The following NUBPL variants were observed in gnomAD, a reference collection of about 807,000 sequenced individuals.
NUBPL encodes the protein NUBP iron-sulfur cluster assembly factor, mitochondrial, also known as iron-sulfur cluster transfer protein NUBPL.
NUBPL carries 31 observed loss-of-function variants against 45.7 expected under a neutral mutation model. The observed-to-expected ratio is 0.68, with a 90% CI of 0.51 to 0.92. The LOEUF (loss-of-function observed/expected upper bound fraction) is 0.92. Among genes scored for constraint, NUBPL ranks in the 40% least tolerant of loss-of-function variants. The pLI, the probability that NUBPL is intolerant of heterozygous loss-of-function variation, is 0.00. For missense variants in NUBPL, 401 were observed against 398.7 expected (o/e 1.01, Z -0.05); for synonymous variants, 144 against 140.9 (o/e 1.02, Z -0.15).
intron 4 of NUBPL, among the ~76,000 whole-genome samples, chr14:31,645,193 G>A (rs1208554831): frequency 6.6e-6 from 1 of 151,844 alleles, no homozygotes; most frequent in Non-Finnish European, 1.5e-5. Context: ...AGCCTCCCGA[G>A]TAACTGGGAC....
intron 6 of NUBPL, among the ~76,000 whole-genome samples, chr14:31,749,637 T>C (rs1450421382): frequency 6.6e-6 from 1 of 152,206 alleles, no homozygotes; most frequent in Non-Finnish European, 1.5e-5. Context: ...TTCTCTTTTT[T>C]TTCTTTCGTT....
intron 8 of NUBPL, among the ~76,000 whole-genome samples, chr14:31,831,468 T>TATACTATACC (rs2040190343): frequency 1.4e-5 from 2 of 143,060 alleles, no homozygotes; most frequent in Non-Finnish European, 3.0e-5. Flanking sequence ...TATACTGTAC[T>TATACTATACC]ATACCATACC....
At chr14:31,786,356 T>A (rs576242958) in intron 6 of NUBPL, among the ~76,000 whole-genome samples, 1 of 152,204 alleles carries the variant, frequency 6.6e-6, no homozygotes, top group Non-Finnish European at 1.5e-5. Flanking sequence ...GTTACCGTTT[T>A]ATAGGAAGAC....
chr14:31,746,395 C>T (rs775802532), intron 6 of NUBPL, among the ~76,000 whole-genome samples: 4 of 151,950 alleles, frequency 2.6e-5, no homozygotes, highest in Non-Finnish European at 4.4e-5. Flanking sequence ...ATTTTTATCA[C>T]GAATGACTGG....
chr14:31,571,102 G>T (rs2033569313), intron 3 of NUBPL, among the ~76,000 whole-genome samples: 2 of 152,196 alleles, frequency 1.3e-5, no homozygotes, highest in Admixed American at 1.3e-4. Flanking sequence ...GTCTAGGCTG[G>T]ATATACTATT....
At chr14:31,639,895 C>G (rs764221757) in intron 4 of NUBPL, among the ~76,000 whole-genome samples, 1 of 152,108 alleles carries the variant, frequency 6.6e-6, no homozygotes, top group South Asian at 2.1e-4. Context: ...TATCCAGGTG[C>G]GGGATATAAT....
At chr14:31,773,043 GTTTATTGTATATTGTATCAT>G (rs1289862056) in intron 6 of NUBPL, among the ~76,000 whole-genome samples, 1 of 152,120 alleles carries the variant, frequency 6.6e-6, no homozygotes, top group Non-Finnish European at 1.5e-5. Context: ...TCTCAAGGAT[GTTTATTGTATATTGTATCAT>G]TTATTTCCAC....
chr14:31,830,659 G>T (rs2040174774), intron 8 of NUBPL, among the ~76,000 whole-genome samples: 1 of 152,172 alleles, frequency 6.6e-6, no homozygotes, highest in Admixed American at 6.5e-5. Flanking sequence ...TCCACTGCAG[G>T]TTTACCTGTC....
Position 31,562,106 on chromosome 14 carries a change from A to G in NUBPL, c.147A>G (p.Arg49=), listed in dbSNP as rs760429841. The change falls in exon 2 of 11, where the codon AGA becomes AGG. Residue 49 remains arginine, a synonymous_variant. Coordinates refer to ENST00000281081, the MANE Select transcript of NUBPL (RefSeq NM_025152.3). ...GAGSETLKQR[R]TQIMSRGLPK... Reference sequence around the variant, plus strand: ...GGAGTGAGACCCTAAAACAAAGAAGAACACAAATCATGTCCCGAGGACTTC... The same window carrying G: ...GGAGTGAGACCCTAAAACAAAGAAGGACACAAATCATGTCCCGAGGACTTC... The G allele has an allele frequency of 1.2e-6, 2 of 1,611,970 alleles. No homozygotes were observed. The highest frequency in any genetic ancestry group is 2.2e-5 in the East Asian group (1 of 44,762).
chr14:31,757,366 C>A (rs1352016510), intron 6 of NUBPL, among the ~76,000 whole-genome samples: 1 of 151,486 alleles, frequency 6.6e-6, no homozygotes, highest in African/African-American at 2.4e-5. Flanking sequence ...TTGATTATTG[C>A]CACAATTTCA....
chr14:31,624,315 G>A (rs1023160163), intron 4 of NUBPL, among the ~76,000 whole-genome samples: 2 of 152,124 alleles, frequency 1.3e-5, no homozygotes, highest in African/African-American at 4.8e-5. Context: ...ATACATTTAA[G>A]AAATGTATTC....
intron 10 of NUBPL, among the ~76,000 whole-genome samples, chr14:31,857,289 T>A (rs2040637967): frequency 6.6e-6 from 1 of 152,048 alleles, no homozygotes; most frequent in Admixed American, 6.6e-5. Flanking sequence ...AAGTCCCTAG[T>A]CTCCACACAA....
chr14:31,661,624 C>T (rs551507396), intron 4 of NUBPL, among the ~76,000 whole-genome samples: 6 of 152,328 alleles, frequency 3.9e-5, no homozygotes, highest in African/African-American at 1.2e-4. Flanking sequence ...TCACGGCAAC[C>T]TCTGCCTCCT....
chr14:31,736,778 G>A (rs879758840), intron 6 of NUBPL, among the ~76,000 whole-genome samples: 44 of 152,272 alleles, frequency 2.9e-4, no homozygotes, highest in African/African-American at 8.9e-4. Flanking sequence ...GTTCTGTCAA[G>A]CAGTTTTCTA....
At chr14:31,594,099 A>T (rs986639986) in intron 3 of NUBPL, among the ~76,000 whole-genome samples, 1 of 152,008 alleles carries the variant, frequency 6.6e-6, no homozygotes, top group Non-Finnish European at 1.5e-5. Context: ...GTTTCTTCCT[A>T]CTCAAAAATA....
chr14:31,705,818 C>T (rs13379320), intron 6 of NUBPL, among the ~76,000 whole-genome samples: 22,945 of 152,216 alleles, frequency 0.15, 4,890 homozygotes, highest in African/African-American at 0.48. Flanking sequence ...CCACCTAGCC[C>T]GGGCACTCTG....
chr14:31,650,424 G>C (rs937482053), intron 4 of NUBPL, among the ~76,000 whole-genome samples: 1 of 151,758 alleles, frequency 6.6e-6, no homozygotes, highest in African/African-American at 2.4e-5. Flanking sequence ...GAGGTAGCTG[G>C]GACTACAGGC....
intron 6 of NUBPL, among the ~76,000 whole-genome samples, chr14:31,719,828 A>G (rs893484914): frequency 8.5e-5 from 13 of 152,190 alleles, no homozygotes; most frequent in African/African-American, 1.9e-4. Flanking sequence ...AGTGCATACA[A>G]TGAGATCATG....
chr14:31,854,218 G>GGCATA (rs1356671381), intron 10 of NUBPL, among the ~76,000 whole-genome samples: 1 of 152,120 alleles, frequency 6.6e-6, no homozygotes, highest in African/African-American at 2.4e-5. Context: ...GCTAGTTAAT[G>GGCATA]GCATAGCGGA....
Sources: allele counts gnomAD v4.1 joint callset (sites outside exome capture counted in the v4.1 genomes callset), GRCh38; gene constraint gnomAD v4.1.1; transcripts MANE v1.5; gene names NCBI Gene and HGNC (gene_info 2026-07-23, HGNC 2026-07-21).